Variants in KCNK10 observed in about 807,000 individuals in gnomAD.
The protein encoded by KCNK10 is potassium channel subfamily K member 10.
In KCNK10, 25 loss-of-function variants were observed where a neutral mutation model predicts 47.7. That is an observed-to-expected ratio of 0.52 (90% confidence interval 0.38 to 0.73). The LOEUF (loss-of-function observed/expected upper bound fraction) is 0.73, where lower values mean the gene tolerates loss of function less well. Ranked by LOEUF, KCNK10 falls within the 30% of genes least tolerant of loss-of-function variation. The pLI, the probability that KCNK10 is intolerant of heterozygous loss-of-function variation, is 0.00. For missense variants in KCNK10, 563 were observed against 714.5 expected (o/e 0.79, Z 2.42); for synonymous variants, 303 against 285.6 (o/e 1.06, Z -0.61).
intron 2 of KCNK10, among the ~76,000 whole-genome samples, chr14:88,253,585 A>G (rs975393332): frequency 1.3e-5 from 2 of 152,020 alleles, no homozygotes; most frequent in Non-Finnish European, 2.9e-5. Flanking sequence ...AGTATCTGAA[A>G]CTCTATTTGG....
intron 2 of KCNK10, among the ~76,000 whole-genome samples, chr14:88,252,545 A>C (rs761033921): frequency 6.6e-6 from 1 of 152,124 alleles, no homozygotes; most frequent in Non-Finnish European, 1.5e-5. Context: ...TTATGGAGAG[A>C]ACAGTTTGAC....
chr14:88,238,060 G>T (rs1886346921), intron 3 of KCNK10, among the ~76,000 whole-genome samples: 1 of 152,292 alleles, frequency 6.6e-6, no homozygotes, highest in African/African-American at 2.4e-5. Context: ...TGGATAATTT[G>T]CTGTAGCTTC....
intron 4 of KCNK10, 105 bp from the exon 5 acceptor site, chr14:88,192,515 T>C (rs1418927584): frequency 1.1e-6 from 1 of 947,018 alleles, no homozygotes. Flanking sequence ...TTAACCTTTC[T>C]CTGGTCATTG....
At chr14:88,323,487 C>T (rs1173625273), upstream of KCNK10, among the ~76,000 whole-genome samples, 9 of 149,824 alleles carry the variant, frequency 6.0e-5, no homozygotes, top group African/African-American at 1.7e-4. Context: ...GAGCAGCGGA[C>T]CGAGGCTCCC....
At chr14:88,248,668 G>T (rs771997047) in intron 2 of KCNK10, among the ~76,000 whole-genome samples, 2 of 151,922 alleles carry the variant, frequency 1.3e-5, no homozygotes, top group Non-Finnish European at 2.9e-5. Flanking sequence ...AGCAGAGGCT[G>T]CAGTAAGCCA....
chr14:88,304,127 G>A (rs1888161456), intron 1 of KCNK10, among the ~76,000 whole-genome samples: 1 of 152,026 alleles, frequency 6.6e-6, no homozygotes, highest in Admixed American at 6.6e-5. Context: ...ACCAGCCTGG[G>A]CAACATAGGG....
chr14:88,239,791 G>A (rs1160700653), intron 3 of KCNK10, among the ~76,000 whole-genome samples: 4 of 151,892 alleles, frequency 2.6e-5, no homozygotes, highest in East Asian at 1.9e-4. Context: ...CCCGTGAGGC[G>A]GAGGTTGCAG....
chr14:88,264,440 C>A (rs537264408), intron 1 of KCNK10, among the ~76,000 whole-genome samples: 4 of 152,286 alleles, frequency 2.6e-5, no homozygotes, highest in South Asian at 4.1e-4. Flanking sequence ...ATGGTGCAGG[C>A]TGGCTGTTGT....
intron 1 of KCNK10, among the ~76,000 whole-genome samples, chr14:88,294,335 G>C (rs564612337): frequency 6.6e-6 from 1 of 152,342 alleles, no homozygotes; most frequent in African/African-American, 2.4e-5. Context: ...GACAGAGGAG[G>C]GTCTGCAGCC....
chr14:88,316,056 A>T (rs368725021), intron 1 of KCNK10, among the ~76,000 whole-genome samples: 9 of 152,312 alleles, frequency 5.9e-5, no homozygotes, highest in African/African-American at 1.9e-4. Flanking sequence ...TGATGAGACT[A>T]GCAGTTATTG....
At chr14:88,249,533 G>C (rs1886735888) in intron 2 of KCNK10, among the ~76,000 whole-genome samples, 1 of 152,148 alleles carries the variant, frequency 6.6e-6, no homozygotes, top group Admixed American at 6.5e-5. Context: ...TTGTCTTCTA[G>C]AACCAATCTA....
chr14:88,236,203 G>A (rs1886296058), intron 3 of KCNK10, among the ~76,000 whole-genome samples: 2 of 152,118 alleles, frequency 1.3e-5, no homozygotes, highest in Non-Finnish European at 2.9e-5. Context: ...TGTAGTCCCA[G>A]CTACTCAGGA....
chr14:88,319,959 G>C (rs570010431), intron 1 of KCNK10, among the ~76,000 whole-genome samples: 1 of 152,266 alleles, frequency 6.6e-6, no homozygotes, highest in East Asian at 1.9e-4. Context: ...TAAAACATTA[G>C]AAGAGCACCT....
At chr14:88,191,468 T>C (rs1165837972) in intron 5 of KCNK10, among the ~76,000 whole-genome samples, 6 of 152,168 alleles carry the variant, frequency 3.9e-5, no homozygotes, top group Admixed American at 3.9e-4. Context: ...TCTAGAACTA[T>C]CCTATTAGAA....
At chr14:88,288,424 C>T (rs1475108019) in intron 1 of KCNK10, among the ~76,000 whole-genome samples, 1 of 152,190 alleles carries the variant, frequency 6.6e-6, no homozygotes, top group African/African-American at 2.4e-5. Context: ...TATGGCTCCA[C>T]CCTGCCCTGA....
At chr14:88,227,987 C>T (rs1487078684) in intron 3 of KCNK10, among the ~76,000 whole-genome samples, 1 of 152,112 alleles carries the variant, frequency 6.6e-6, no homozygotes, top group Non-Finnish European at 1.5e-5. Flanking sequence ...AATGGGTACC[C>T]CATATTAAAG....
At chr14:88,234,015 T>C (rs1886226280) in intron 3 of KCNK10, among the ~76,000 whole-genome samples, 2 of 152,212 alleles carry the variant, frequency 1.3e-5, no homozygotes, top group African/African-American at 4.8e-5. Context: ...TAGATCCTCC[T>C]ACAATGCGTG....
intron 1 of KCNK10, among the ~76,000 whole-genome samples, chr14:88,312,307 A>G (rs1468477559): frequency 6.9e-6 from 1 of 145,980 alleles, no homozygotes; most frequent in Admixed American, 6.9e-5. Context: ...CAGAAAAAGC[A>G]ACAAGATTGT....
At chr14:88,251,857 A>G (rs1237889908) in intron 2 of KCNK10, among the ~76,000 whole-genome samples, 1 of 152,140 alleles carries the variant, frequency 6.6e-6, no homozygotes, top group Non-Finnish European at 1.5e-5. Context: ...CAGCCATGGC[A>G]TGTTGCTTCC....
Sources: allele counts gnomAD v4.1 joint callset (sites outside exome capture counted in the v4.1 genomes callset), GRCh38; gene constraint gnomAD v4.1.1; transcripts MANE v1.5; gene names NCBI Gene and HGNC (gene_info 2026-07-23, HGNC 2026-07-21).